WDR41: variants seen among roughly 807,000 people sequenced by gnomAD.
The protein encoded by WDR41 is WD repeat-containing protein 41.
Under a neutral mutation model 69.3 loss-of-function variants are expected in WDR41, and 63 were observed. The observed-to-expected ratio is 0.91, with a 90% confidence interval of 0.74 to 1.12. The LOEUF is 1.12. Among genes scored for constraint, WDR41 ranks in the 50% most tolerant of loss-of-function variants. The probability of loss-of-function intolerance (pLI) is 0.00; values close to 1 mark genes in which losing one functional copy is unlikely to be tolerated. For missense variants in WDR41, 543 were observed against 534.5 expected (o/e 1.02, Z -0.16); for synonymous variants, 185 against 192.1 (o/e 0.96, Z 0.31).
chr5:77,566,227 G>T (rs1743625007), intron 1 of WDR41, among the ~76,000 whole-genome samples: 1 of 152,134 alleles, frequency 6.6e-6, no homozygotes, highest in Non-Finnish European at 1.5e-5. Context: ...AACATGAGCA[G>T]CAGAAAGGGC....
intron 5 of WDR41, among the ~76,000 whole-genome samples, chr5:77,454,583 T>C (rs1162955951): frequency 6.6e-6 from 1 of 152,220 alleles, no homozygotes; most frequent in Non-Finnish European, 1.5e-5. Flanking sequence ...CTCAATTCTA[T>C]ACATTTGGTA....
At chr5:77,593,743 G>A (rs906814786) in intron 1 of WDR41, among the ~76,000 whole-genome samples, 3 of 152,072 alleles carry the variant, frequency 2.0e-5, no homozygotes, top group African/African-American at 7.2e-5. Context: ...TGACTTAAGT[G>A]ATGGAGCAAG....
intron 1 of WDR41, among the ~76,000 whole-genome samples, chr5:77,512,526 C>A (rs555539097): frequency 8.6e-5 from 13 of 151,178 alleles, no homozygotes; most frequent in Admixed American, 2.0e-4. Flanking sequence ...CCGAGGCAGG[C>A]GGATCATGAG....
At chr5:77,449,214 T>C (rs1024729391) in intron 8 of WDR41, among the ~76,000 whole-genome samples, 24 of 148,416 alleles carry the variant, frequency 1.6e-4, no homozygotes, top group African/African-American at 5.6e-4. Context: ...CCAAATAGGA[T>C]GTACAGCAGG....
At chr5:77,606,368 C>T (rs1272958181) in intron 1 of WDR41, among the ~76,000 whole-genome samples, 2 of 152,026 alleles carry the variant, frequency 1.3e-5, no homozygotes, top group East Asian at 1.9e-4. Context: ...AAAAGGCTTC[C>T]TACAGGGGAG....
intron 2 of WDR41, among the ~76,000 whole-genome samples, chr5:77,470,364 C>T (rs1179440682): frequency 2.6e-5 from 4 of 152,128 alleles, no homozygotes; most frequent in African/African-American, 9.7e-5. Flanking sequence ...GAAGAAACTG[C>T]ATCAACTAAC....
At chr5:77,544,685 C>G (rs1306793914) in intron 1 of WDR41, among the ~76,000 whole-genome samples, 1 of 151,930 alleles carries the variant, frequency 6.6e-6, no homozygotes, top group Non-Finnish European at 1.5e-5. Context: ...TACTAATAGA[C>G]CTAAGAAATG....
At chr5:77,436,157 G>C (rs752139089) in intron 12 of WDR41, 104 bp downstream of exon 12, 1 of 1,429,180 alleles carries the variant, frequency 7.0e-7, no homozygotes, top group Non-Finnish European at 9.4e-7. Context: ...AACACCTACA[G>C]ATATAAGAAA....
intron 8 of WDR41, 125 bp downstream of exon 8, chr5:77,449,635 G>C (rs1799541683): frequency 1.5e-6 from 1 of 668,252 alleles, no homozygotes; most frequent in South Asian, 2.1e-5. Flanking sequence ...GAGTAAAAGA[G>C]AATGACAATC....
At chr5:77,613,843 T>C (rs900924268) in intron 1 of WDR41, among the ~76,000 whole-genome samples, 12 of 152,148 alleles carry the variant, frequency 7.9e-5, no homozygotes, top group Admixed American at 2.6e-4. Flanking sequence ...GAAACTACCA[T>C]TAGAGTGAAC....
chr5:77,579,709 G>A (rs888690618), intron 1 of WDR41, among the ~76,000 whole-genome samples: 1 of 152,170 alleles, frequency 6.6e-6, no homozygotes, highest in Non-Finnish European at 1.5e-5. Flanking sequence ...ATCCCAGATG[G>A]TAATTCAAAC....
At chr5:77,620,569 C>CGT (rs1435698013) in exon 1 of WDR41, 1 of 451,746 alleles carries the variant, frequency 2.2e-6, no homozygotes, top group Non-Finnish European at 4.5e-6. Flanking sequence ...TGTGTACCTG[C>CGT]GCTCACCTGA....
At chr5:77,536,445 G>C (rs1417411444) in intron 1 of WDR41, among the ~76,000 whole-genome samples, 1 of 151,970 alleles carries the variant, frequency 6.6e-6, no homozygotes, top group Non-Finnish European at 1.5e-5. Context: ...GAGCAGAGAA[G>C]ACTCCAGTGA....
At chr5:77,483,641 C>G (rs1410266074) in intron 2 of WDR41, among the ~76,000 whole-genome samples, 1 of 151,960 alleles carries the variant, frequency 6.6e-6, no homozygotes, top group Non-Finnish European at 1.5e-5. Context: ...GTGTTTTCCT[C>G]CTCTACACAT....
chr5:77,603,537 T>C (rs1026725533), intron 1 of WDR41, among the ~76,000 whole-genome samples: 8 of 152,236 alleles, frequency 5.3e-5, no homozygotes, highest in Admixed American at 6.5e-5. Context: ...CTCTTCACTG[T>C]TGATTGTTTC....
At chr5:77,480,705 G>A (rs911310446) in intron 2 of WDR41, among the ~76,000 whole-genome samples, 3 of 151,258 alleles carry the variant, frequency 2.0e-5, no homozygotes, top group African/African-American at 7.3e-5. Flanking sequence ...GGATAGCACT[G>A]GGAGATATAC....
At chr5:77,469,682 T>C (rs1010418626) in intron 2 of WDR41, among the ~76,000 whole-genome samples, 4 of 152,058 alleles carry the variant, frequency 2.6e-5, no homozygotes, top group African/African-American at 7.2e-5. Flanking sequence ...AGGGTATCAG[T>C]GATGGAAGAT....
chr5:77,552,745 G>C (rs984535877), intron 1 of WDR41, among the ~76,000 whole-genome samples: 1 of 152,142 alleles, frequency 6.6e-6, no homozygotes, highest in Non-Finnish European at 1.5e-5. Flanking sequence ...GATTCACACA[G>C]TCTGCCACAC....
intron 1 of WDR41, among the ~76,000 whole-genome samples, chr5:77,597,833 T>C (rs1293456447): frequency 1.3e-5 from 2 of 152,182 alleles, no homozygotes; most frequent in African/African-American, 2.4e-5. Context: ...TTTGAAATAA[T>C]TTAACTTAGA....
Sources: gnomAD v4.1 joint callset for allele counts (sites outside exome capture counted in the v4.1 genomes callset) on GRCh38, gnomAD v4.1.1 for gene constraint, MANE v1.5 for transcripts, NCBI Gene and HGNC (gene_info 2026-07-23, HGNC 2026-07-21) for gene names.